Variants in TBC1D19 observed in about 807,000 individuals in gnomAD.
The protein encoded by TBC1D19 is TBC1 domain family member 19.
Under a neutral mutation model 89.0 loss-of-function variants are expected in TBC1D19, and 60 were observed. The observed-to-expected ratio is 0.67, with a 90% CI of 0.55 to 0.84. The LOEUF is 0.84. TBC1D19 is among the 40% of genes least tolerant of loss of function. The pLI is 0.00. For missense variants in TBC1D19, 500 were observed against 610.8 expected, an observed-to-expected ratio of 0.82 and a Z score of 1.91; for synonymous variants, 189 against 199.7, an observed-to-expected ratio of 0.95 and a Z score of 0.45.
At chr4:26,643,740 G>A (rs1395872221) in intron 7 of TBC1D19, among the ~76,000 whole-genome samples, 1 of 152,004 alleles carries the variant, frequency 6.6e-6, no homozygotes, top group East Asian at 1.9e-4. Flanking sequence ...AATGCTAAAG[G>A]GAATATCACC....
the TBC1D19 span, chr4:26,857,735 A>G: frequency 1.3e-5 from 2 of 152,230 alleles, no homozygotes; most frequent in Non-Finnish European, 2.9e-5. Context: ...GCCAGTCGGG[A>G]ACCGGTTCTC....
Position 26,755,624 on chromosome 4 carries a change from C to G in TBC1D19, c.*677C>G, listed in dbSNP as rs138433442. 2.3e-3 allele frequency among the ~76,000 whole-genome samples: 345 copies of G among 152,284 alleles called. No homozygotes were observed. The highest frequency in any genetic ancestry group is 4.1e-3 in the Non-Finnish European group (279 of 68,010). On this transcript the variant is annotated 3_prime_UTR_variant, in exon 21 of 21. Coordinates refer to ENST00000264866, the MANE Select transcript of TBC1D19 (RefSeq NM_018317.4). ...AAAGTCAGAAAATTATAGGTGATCC[C>G]TTTTCACTTCTCAACCTTCCTTCTC...
At position 26,620,636 on chromosome 4, in the gene TBC1D19, C is replaced by G; in HGVS notation, c.242C>G (p.Ala81Gly). The G allele has an allele frequency of 6.2e-7, 1 of 1,613,780 alleles. No individual in the cohort carries two copies. Among genetic ancestry groups the G allele is most frequent in the African/African-American group, 1.3e-5 (1 of 75,024 alleles). Residue 81 changes from alanine to glycine, a missense_variant, in exon 4 of 21, where the codon GCT (alanine) becomes GGT (glycine). Physicochemically the swap from Ala to Gly is moderately conservative, Grantham distance 60. Around this residue, in one of 2 missense-constraint regions of TBC1D19, gnomAD observed 280 missense variants for 291.7 expected, o/e 0.96. Coordinates refer to ENST00000264866, the MANE Select transcript of TBC1D19 (RefSeq NM_018317.4). ...AGGTTTCCTTTACCTAGTCATCCTG[C>G]TGCACCTCCTGAACATCTTAAAGAA... ...LSVFPLPSHPAAPPEHLKEPL... is the reference protein window; with the variant it reads ...LSVFPLPSHPGAPPEHLKEPL...
chr4:26,816,356 GT>G, the TBC1D19 span, among the ~76,000 whole-genome samples: 1 of 152,172 alleles, frequency 6.6e-6, no homozygotes, highest in South Asian at 2.1e-4. Context: ...CACAAAAGAA[GT>G]CCAATCATTG....
the TBC1D19 span, among the ~76,000 whole-genome samples, chr4:26,813,926 G>A: frequency 1.4e-3 from 208 of 152,236 alleles, no homozygotes; most frequent in African/African-American, 4.8e-3. Context: ...CACTGGCACC[G>A]CCTGTCTCCC....
chr4:26,824,811 C>CTT, the TBC1D19 span, among the ~76,000 whole-genome samples: 1 of 152,032 alleles, frequency 6.6e-6, no homozygotes, highest in African/African-American at 2.4e-5. Context: ...CTTCATTAAA[C>CTT]TTTTTCCAAT....
chr4:26,805,778 C>A, the TBC1D19 span, among the ~76,000 whole-genome samples: 2 of 152,080 alleles, frequency 1.3e-5, no homozygotes, highest in Admixed American at 6.6e-5. Flanking sequence ...GGTGGATCAT[C>A]TGAAGTCAGG....
At chr4:26,742,667 GAGC>G (rs1309883952) in intron 18 of TBC1D19, 68 bp downstream of exon 18, 1 of 1,237,266 alleles carries the variant, frequency 8.1e-7, no homozygotes, top group East Asian at 2.4e-5. Flanking sequence ...CCTCATTGCA[GAGC>G]ACTTGCAAAT....
At position 26,636,569 on chromosome 4, in the gene TBC1D19, G is replaced by A. The variant is rs1196410265; in HGVS notation, c.295-642G>A. The stretch of plus-strand genomic sequence containing the variant: ...ACAGAGACATAACAACCAATGAAAT[G>A]TAATGCATGAATTTTGAATGGATCC... On this transcript the variant is annotated intron_variant, in intron 4 of 20. Coordinates refer to ENST00000264866, the MANE Select transcript of TBC1D19 (RefSeq NM_018317.4). Among the ~76,000 whole-genome samples, 4 of 150,388 alleles carry A rather than the reference G, an allele frequency of 2.7e-5. No homozygotes were observed. The East Asian group carries it at 7.8e-4, about 29-fold the overall frequency.
intron 18 of TBC1D19, 33 bp from the exon 19 acceptor site, chr4:26,748,378 G>A: frequency 6.7e-7 from 1 of 1,496,262 alleles, no homozygotes; most frequent in Non-Finnish European, 9.3e-7. Context: ...AAATTTCAGT[G>A]GTACATTAAT....
chr4:26,730,321 A>G (rs976555866), intron 15 of TBC1D19, among the ~76,000 whole-genome samples: 1 of 152,220 alleles, frequency 6.6e-6, no homozygotes, highest in African/African-American at 2.4e-5. Flanking sequence ...AAAAAAATAA[A>G]AAATTATTAA....
the TBC1D19 span, among the ~76,000 whole-genome samples, chr4:26,813,781 T>C: frequency 1.3e-5 from 2 of 152,304 alleles, no homozygotes; most frequent in African/African-American, 4.8e-5. Context: ...TCTACTCCAT[T>C]GCCCAGGGAG....
At chr4:26,671,771 T>C (rs1712331523) in intron 9 of TBC1D19, among the ~76,000 whole-genome samples, 1 of 151,830 alleles carries the variant, frequency 6.6e-6, no homozygotes, top group African/African-American at 2.4e-5. Context: ...TAAAGATGAA[T>C]GAATAGGAAC....
chr4:26,801,191 G>A, the TBC1D19 span, among the ~76,000 whole-genome samples: 4 of 152,180 alleles, frequency 2.6e-5, no homozygotes, highest in African/African-American at 9.7e-5. Flanking sequence ...AGTGTAAGGT[G>A]TAAGGAAGGG....
chr4:26,763,517 G>A, the TBC1D19 span, among the ~76,000 whole-genome samples: 2 of 152,232 alleles, frequency 1.3e-5, no homozygotes, highest in South Asian at 4.1e-4. Context: ...AAGCCTCCCC[G>A]CCTTGAGTTG....
At chr4:26,728,362 CTATT>C (rs1270176097) in intron 15 of TBC1D19, among the ~76,000 whole-genome samples, 1 of 152,180 alleles carries the variant, frequency 6.6e-6, no homozygotes, top group African/African-American at 2.4e-5. Flanking sequence ...AATATGCCTA[CTATT>C]TATTAACTTA....
chr4:26,843,980 G>A, the TBC1D19 span, among the ~76,000 whole-genome samples: 1 of 152,328 alleles, frequency 6.6e-6, no homozygotes, highest in African/African-American at 2.4e-5. Flanking sequence ...AGCCTTTCAT[G>A]AGGGACCCGG....
intron 10 of TBC1D19, among the ~76,000 whole-genome samples, chr4:26,673,438 T>TACACACACAC (rs1419263495): frequency 6.3e-5 from 1 of 15,916 alleles, no homozygotes; most frequent in African/African-American, 1.3e-4. Flanking sequence ...TATATATATA[T>TACACACACAC]ATATATATAC....
At chr4:26,850,351 C>G in the TBC1D19 span, among the ~76,000 whole-genome samples, 48 of 151,632 alleles carry the variant, frequency 3.2e-4, no homozygotes, top group African/African-American at 1.1e-3. Flanking sequence ...GAGCTCCAGA[C>G]AGCCTGGGAA....
Sources: allele counts gnomAD v4.1 joint callset (sites outside exome capture counted in the v4.1 genomes callset), GRCh38; gene constraint gnomAD v4.1.1; regional missense constraint gnomAD v4.1.1; transcripts MANE v1.5; gene names NCBI Gene and HGNC (gene_info 2026-07-23, HGNC 2026-07-21).